Variants in ARHGEF1 observed in about 807,000 individuals in gnomAD.
ARHGEF1 encodes 115 kDa guanine nucleotide exchange factor.
Under a neutral mutation model 119.7 loss-of-function variants are expected in ARHGEF1, and 40 were observed. The ratio of observed to expected loss-of-function variants is 0.33; its 90% CI spans 0.26 to 0.44. ARHGEF1 has a LOEUF of 0.44. Ranked by LOEUF, ARHGEF1 falls within the 20% of genes least tolerant of loss-of-function variation. The pLI is 1.00. For missense variants in ARHGEF1, 976 were observed against 1,268.3 expected, an observed-to-expected ratio of 0.77 and a Z score of 3.50; for synonymous variants, 494 against 521.0, an observed-to-expected ratio of 0.95 and a Z score of 0.71.
At chr19:41,908,094 A>C, downstream of ARHGEF1, 1 of 616,274 alleles carries the variant, frequency 1.6e-6, no homozygotes, top group Non-Finnish European at 2.3e-6. This position sits in a 1 kb window ranked among gnomAD's most constrained non-coding sequence, Gnocchi z 6.7. Flanking sequence ...GGGCTGGGGA[A>C]GGAGACTGGG....
chr19:41,908,217 C>A (rs1599669750), downstream of ARHGEF1: 2 of 1,231,728 alleles, frequency 1.6e-6, no homozygotes, highest in East Asian at 6.3e-5. This position sits in a 1 kb window ranked among gnomAD's most constrained non-coding sequence, Gnocchi z 6.7. Flanking sequence ...AATCCATTGC[C>A]CCCTGCCGGC....
chr19:41,897,961 G>A lies in ARHGEF1; in HGVS notation c.1122-481G>A, dbSNP rs550437620. 8.2e-5 allele frequency: 108 copies of A among 1,315,342 alleles called. No individual in the cohort carries two copies. In the African/African-American group the frequency reaches 1.5e-3, roughly 19 times the overall value. 81.5% of individuals were successfully genotyped at this position (1,315,342 alleles called of 1,614,324 possible). ...CGGGGTCCAGGCTATCAGGGCGTCT[G>A]GGGCGCTCAGAGAGCCTGCGGGTGA... On this transcript the variant is annotated intron_variant, in intron 13 of 28. Coordinates refer to ENST00000354532, the MANE Select transcript of ARHGEF1 (RefSeq NM_004706.4).
At chr19:41,912,963 G>C (rs1393335320) in intron 18 of ARHGEF1, 4 of 1,049,674 alleles carry the variant, frequency 3.8e-6, no homozygotes, top group African/African-American at 1.6e-5. Flanking sequence ...ACACGGGGAC[G>C]GGGTGGGCAG....
In ARHGEF1 at chr19:41,905,923, C is replaced by A. The variant is rs201964344; in HGVS notation, c.2405-16C>A. 1 of 1,614,110 alleles carries A rather than the reference C, an allele frequency of 6.2e-7. No homozygotes were observed. The highest frequency in any genetic ancestry group is 8.5e-7 in the Non-Finnish European group (1 of 1,179,956). On this transcript the variant is annotated splice_polypyrimidine_tract_variant and intron_variant, in intron 25 of 28. Transcript: ENST00000354532. This position sits in a 1 kb window ranked among gnomAD's most constrained non-coding sequence, Gnocchi z 6.4. The stretch of plus-strand genomic sequence containing the variant: ...GCCCGGCAGGATCTGAGCTCCCTCT[C>A]TGTTCCCCAATCCAGCCCGGACCGA...
In ARHGEF1 at chr19:41,904,289, C is replaced by T; in HGVS notation, c.2067C>T (p.Ser689=). 2 of 1,612,268 alleles carry T rather than the reference C, an allele frequency of 1.2e-6. No homozygotes were observed. The highest frequency in any genetic ancestry group is 1.3e-5 in the African/African-American group (1 of 75,054). The change falls in exon 22 of 29, where the codon TCC becomes TCT. Residue 689 remains serine, a synonymous_variant. Coordinates refer to ENST00000354532, the MANE Select transcript of ARHGEF1 (RefSeq NM_004706.4). The surrounding 1 kb of genome is among the most constrained non-coding windows in gnomAD (Gnocchi z 8.4). ...AGGACGAGCGGCTGCTGCTCAAGTCCCATAGCCGGACACTGACGCCCACGC... is the reference window on the plus strand; with the variant it reads ...AGGACGAGCGGCTGCTGCTCAAGTCTCATAGCCGGACACTGACGCCCACGC... The part of the protein sequence containing the change: ...QRQDERLLLK[S]HSRTLTPTPD...
chr19:41,922,977 C>G (rs1284316477), upstream of ARHGEF1: 1 of 367,642 alleles, frequency 2.7e-6, no homozygotes, highest in Non-Finnish European at 5.4e-6. Flanking sequence ...CTCCCACTGA[C>G]AGCCAGGTGA....
At chr19:41,898,287 T>C (rs1326536820) in intron 13 of ARHGEF1, 155 bp from the exon 14 acceptor site, 1 of 1,333,918 alleles carries the variant, frequency 7.5e-7, no homozygotes, top group Non-Finnish European at 1.0e-6. Context: ...CTGGGAACTC[T>C]AGTGTGGTCC....
upstream of ARHGEF1, among the ~76,000 whole-genome samples, chr19:41,920,034 A>T: frequency 7.4e-6 from 1 of 135,232 alleles, no homozygotes; most frequent in East Asian, 2.1e-4. Flanking sequence ...GCTCACAGAC[A>T]TGATACGCTC....
Position 41,917,736 on chromosome 19 carries a change from C to G in ARHGEF1, c.1866-5356C>G, listed in dbSNP as rs368260507. Among the ~76,000 whole-genome samples the G allele has an allele frequency of 9.2e-5, 14 of 151,996 alleles. No homozygotes were observed. The East Asian group carries it at 2.5e-3, about 27-fold the overall frequency. On this transcript the variant is annotated intron_variant, in intron 18 of 20. Coordinates refer to the ARHGEF1 transcript ENST00000599589. This position sits in a 1 kb window ranked among gnomAD's most constrained non-coding sequence, Gnocchi z 4.8. ...GGGACATATCTCTCCTTACGCCACA[C>G]GCCCATGTAGGACACATCTGTGCAC...
intron 1 of ARHGEF1, among the ~76,000 whole-genome samples, chr19:41,926,466 G>C (rs987221288): frequency 6.6e-6 from 1 of 152,100 alleles, no homozygotes; most frequent in African/African-American, 2.4e-5. Flanking sequence ...TTAGTTACCT[G>C]AGGCCACAGG....
In ARHGEF1 at chr19:41,888,095, G is replaced by C. The variant is rs150821873; in HGVS notation, c.13G>C (p.Ala5Pro). Residue 5 changes from alanine (A) to proline (P), a missense_variant, in exon 2 of 29, where the codon GCC (alanine) becomes CCC (proline). Transcript: ENST00000354532. The surrounding 1 kb of genome is among the most constrained non-coding windows in gnomAD (Gnocchi z 5.1). Reference protein sequence around the residue: MEDFARGAASPGPSR... With the variant: MEDFPRGAASPGPSR... ...AGAGCCCAGGGAGATGGAAGACTTC[G>C]CCCGAGGGGCGGTGAGTGGACAGAG... The C allele has an allele frequency of 1.2e-6, 2 of 1,613,604 alleles. No homozygotes were observed. Among genetic ancestry groups the C allele is most frequent in the Admixed American group, 1.7e-5 (1 of 60,010 alleles).
At chr19:41,899,902 A>T (rs2074571689) in intron 14 of ARHGEF1, among the ~76,000 whole-genome samples, 1 of 148,222 alleles carries the variant, frequency 6.7e-6, no homozygotes, top group Admixed American at 6.6e-5. Context: ...TGGGTCACAG[A>T]TCCTTCTAAG....
intron 13 of ARHGEF1, chr19:41,898,115 T>A (rs1555848291): frequency 2.2e-5 from 30 of 1,372,784 alleles, no homozygotes; most frequent in Admixed American, 2.1e-4. Flanking sequence ...ACGAGCCACG[T>A]ATGTCAACCC....
chr19:41,928,154 G>A (rs569271086), intron 1 of ARHGEF1: 2 of 151,438 alleles, frequency 1.3e-5, no homozygotes, highest in African/African-American at 4.9e-5. Context: ...GGGGCGGGGT[G>A]GGGGGAGATG....
downstream of ARHGEF1, among the ~76,000 whole-genome samples, chr19:41,911,870 GAC>G (rs1555851285): frequency 6.6e-6 from 1 of 151,276 alleles, no homozygotes; most frequent in Non-Finnish European, 1.5e-5. Flanking sequence ...TCAGTAGGCA[GAC>G]ACACACATGT....
downstream of ARHGEF1, chr19:41,909,421 G>T: frequency 8.1e-7 from 1 of 1,237,732 alleles, no homozygotes; most frequent in Non-Finnish European, 1.0e-6. This position sits in a 1 kb window ranked among gnomAD's most constrained non-coding sequence, Gnocchi z 5.2. Flanking sequence ...GAACTTGTAG[G>T]TGAACCTCTT....
At chr19:41,897,861 T>C in intron 13 of ARHGEF1, 2 of 1,249,632 alleles carry the variant, frequency 1.6e-6, no homozygotes, top group South Asian at 6.0e-5. Context: ...TGTCCTGGTT[T>C]CTCTTCGTCT....
At chr19:41,908,528 A>C, downstream of ARHGEF1, 1 of 1,231,498 alleles carries the variant, frequency 8.1e-7, no homozygotes, top group Non-Finnish European at 1.0e-6. The surrounding 1 kb of genome is among the most constrained non-coding windows in gnomAD (Gnocchi z 6.7). Context: ...AACTGGCCAG[A>C]GGGTTGGGGT....
At chr19:41,885,903 C>T (rs1451165871) in intron 1 of ARHGEF1, among the ~76,000 whole-genome samples, 11 of 152,148 alleles carry the variant, frequency 7.2e-5, no homozygotes, top group Non-Finnish European at 1.5e-4. Flanking sequence ...CAGGCATGAA[C>T]CACCACACCT....
Sources: allele counts gnomAD v4.1 joint callset (sites outside exome capture counted in the v4.1 genomes callset), GRCh38; gene constraint gnomAD v4.1.1; non-coding constraint Gnocchi (gnomAD v3.1); transcripts MANE v1.5; gene names NCBI Gene and HGNC (gene_info 2026-07-23, HGNC 2026-07-21).